TTC29: variants seen among roughly 807,000 people sequenced by gnomAD.
TTC29 encodes tetratricopeptide repeat protein 29.
A neutral mutation model predicts 58.1 loss-of-function variants in TTC29; 49 were observed. That is an observed-to-expected ratio of 0.84 (90% confidence interval 0.67 to 1.07). The LOEUF (loss-of-function observed/expected upper bound fraction) is 1.07, where lower values mean the gene tolerates loss of function less well. Among genes scored for constraint, TTC29 ranks in the 50% least tolerant of loss-of-function variants. TTC29 has a pLI of 0.00. For missense variants in TTC29, 582 were observed against 555.6 expected (o/e 1.05, Z -0.48); for synonymous variants, 209 against 196.8 (o/e 1.06, Z -0.52).
At chr4:146,753,961 G>T (rs1746229959) in intron 11 of TTC29, among the ~76,000 whole-genome samples, 1 of 151,808 alleles carries the variant, frequency 6.6e-6, no homozygotes, top group East Asian at 1.9e-4. Context: ...GCTAAATGAC[G>T]AGTTAATGGG....
At chr4:146,789,558 A>G (rs1405343606) in intron 11 of TTC29, among the ~76,000 whole-genome samples, 1 of 152,198 alleles carries the variant, frequency 6.6e-6, no homozygotes, top group Admixed American at 6.5e-5. Context: ...TAGAAATGCA[A>G]CAGAATATCT....
At chr4:146,858,723 C>A (rs2150195482) in intron 8 of TTC29, among the ~76,000 whole-genome samples, 1 of 152,304 alleles carries the variant, frequency 6.6e-6, no homozygotes, top group East Asian at 1.9e-4. Context: ...TTAACTCTCA[C>A]AAGGCTGTCC....
At chr4:146,800,592 T>C (rs1227700746) in intron 11 of TTC29, among the ~76,000 whole-genome samples, 1 of 152,236 alleles carries the variant, frequency 6.6e-6, no homozygotes, top group East Asian at 1.9e-4. Flanking sequence ...TCATCCTTCA[T>C]TCATGTGATA....
At chr4:146,854,305 T>C (rs1287489401) in intron 8 of TTC29, among the ~76,000 whole-genome samples, 1 of 152,164 alleles carries the variant, frequency 6.6e-6, no homozygotes, top group East Asian at 1.9e-4. Flanking sequence ...TTGCTGCCCA[T>C]GCTTTTGTAA....
chr4:146,878,679 T>C (rs1731429412), intron 6 of TTC29, among the ~76,000 whole-genome samples: 1 of 152,200 alleles, frequency 6.6e-6, no homozygotes, highest in Admixed American at 6.5e-5. Context: ...GAATCTCTTG[T>C]GTTAAAAATA....
chr4:146,733,154 T>C (rs1258068002), intron 11 of TTC29, among the ~76,000 whole-genome samples: 5 of 152,192 alleles, frequency 3.3e-5, no homozygotes, highest in East Asian at 1.9e-4. Context: ...CTTATGCATA[T>C]GGGAGTCTTG....
At position 146,903,857 on chromosome 4, in the gene TTC29, G is replaced by A. The variant is rs185587257; in HGVS notation, c.401-128C>T. Reference sequence around the variant, plus strand: ...GATGTGATTACCAATTTTAAAAATTGGGTCTAAAAGCAAAAATTAATTTAT... The same window carrying A: ...GATGTGATTACCAATTTTAAAAATTAGGTCTAAAAGCAAAAATTAATTTAT... On this transcript the variant is annotated intron_variant, in intron 5 of 12. Transcript: ENST00000325106. 7.1e-6 allele frequency: 4 copies of A among 560,654 alleles called. No homozygotes were observed. In the Admixed American group the frequency reaches 1.3e-4, roughly 18 times the overall value. 34.7% of individuals were successfully genotyped at this position (560,654 alleles called of 1,614,324 possible).
chr4:146,717,978 C>T (rs1743062434), intron 11 of TTC29, among the ~76,000 whole-genome samples: 1 of 152,104 alleles, frequency 6.6e-6, no homozygotes, highest in African/African-American at 2.4e-5. Flanking sequence ...TAAGTGAGAA[C>T]ATTTTATATG....
chr4:146,941,675 G>A (rs1316717109), intron 2 of TTC29, among the ~76,000 whole-genome samples: 3 of 152,188 alleles, frequency 2.0e-5, no homozygotes, highest in Non-Finnish European at 2.9e-5. Flanking sequence ...ATAGTGTAAT[G>A]TCTTGATGGT....
At chr4:146,864,733 C>T (rs1248760950) in intron 8 of TTC29, among the ~76,000 whole-genome samples, 3 of 152,114 alleles carry the variant, frequency 2.0e-5, no homozygotes, top group Non-Finnish European at 4.4e-5. Flanking sequence ...CTTGTCTTCA[C>T]ATGGTCTTTT....
intron 8 of TTC29, among the ~76,000 whole-genome samples, chr4:146,841,086 G>A (rs1189405283): frequency 6.6e-6 from 1 of 152,064 alleles, no homozygotes; most frequent in East Asian, 1.9e-4. Flanking sequence ...GGTAAGGCAG[G>A]TCATTCATTT....
At chr4:146,728,251 A>C (rs947531646) in intron 11 of TTC29, among the ~76,000 whole-genome samples, 1 of 151,498 alleles carries the variant, frequency 6.6e-6, no homozygotes, top group Admixed American at 6.6e-5. Flanking sequence ...GTGCCACTGC[A>C]CTCCAGTCTG....
At chr4:146,857,512 G>A (rs190852743) in intron 8 of TTC29, among the ~76,000 whole-genome samples, 9 of 152,228 alleles carry the variant, frequency 5.9e-5, no homozygotes, top group Non-Finnish European at 1.0e-4. Flanking sequence ...GCTGAGTGGC[G>A]AGCCCTCTTT....
intron 11 of TTC29, among the ~76,000 whole-genome samples, chr4:146,717,623 T>C (rs952186766): frequency 6.6e-6 from 1 of 152,142 alleles, no homozygotes; most frequent in Non-Finnish European, 1.5e-5. Flanking sequence ...CATTGACAAA[T>C]TATAATTATA....
intron 11 of TTC29, among the ~76,000 whole-genome samples, chr4:146,760,503 A>G (rs1170469338): frequency 2.6e-5 from 4 of 152,054 alleles, no homozygotes; most frequent in African/African-American, 4.8e-5. Flanking sequence ...AAAAGTACAA[A>G]TCTAGAGGCA....
chr4:146,770,925 A>C (rs1019310161), intron 11 of TTC29, among the ~76,000 whole-genome samples: 1 of 152,136 alleles, frequency 6.6e-6, no homozygotes, highest in African/African-American at 2.4e-5. Context: ...AGAATAAATG[A>C]GAAACTGCAT....
At chr4:146,895,774 G>C (rs1349778055) in intron 6 of TTC29, among the ~76,000 whole-genome samples, 1 of 152,172 alleles carries the variant, frequency 6.6e-6, no homozygotes, top group Non-Finnish European at 1.5e-5. Flanking sequence ...TTGGAGCAGA[G>C]AGGATATAAT....
At chr4:146,830,796 T>G (rs1280792998) in intron 9 of TTC29, among the ~76,000 whole-genome samples, 2 of 152,190 alleles carry the variant, frequency 1.3e-5, no homozygotes, top group African/African-American at 4.8e-5. Context: ...CATGTATGTA[T>G]GTGTGCACAT....
chr4:146,895,736 C>T (rs1732725195), intron 6 of TTC29, among the ~76,000 whole-genome samples: 1 of 152,108 alleles, frequency 6.6e-6, no homozygotes, highest in African/African-American at 2.4e-5. Flanking sequence ...TGTCTGACTC[C>T]TTTGTTTCTT....
Sources: allele counts gnomAD v4.1 joint callset (sites outside exome capture counted in the v4.1 genomes callset), GRCh38; gene constraint gnomAD v4.1.1; transcripts MANE v1.5; gene names NCBI Gene and HGNC (gene_info 2026-07-23, HGNC 2026-07-21).